The following LSAMP variants were observed in gnomAD, a reference collection of about 807,000 sequenced individuals.
LSAMP encodes the protein limbic system associated membrane protein.
In LSAMP, 7 loss-of-function variants were observed where a neutral mutation model predicts 38.6. The ratio of observed to expected loss-of-function variants is 0.18; its 90% confidence interval spans 0.10 to 0.34. LSAMP has a LOEUF of 0.34. Among genes scored for constraint, LSAMP ranks in the 10% least tolerant of loss-of-function variants. The pLI is 1.00. For synonymous variants in LSAMP, 154 were observed against 166.8 expected, an observed-to-expected ratio of 0.92 and a Z score of 0.59; for missense variants, 313 against 420.0, an observed-to-expected ratio of 0.75 and a Z score of 2.23.
At chr3:116,102,869 TTAAG>T (rs928172135) in intron 1 of LSAMP, among the ~76,000 whole-genome samples, 5 of 152,346 alleles carry the variant, frequency 3.3e-5, no homozygotes, top group African/African-American at 1.2e-4. Context: ...ACAAAATATT[TTAAG>T]TAAGCTGAGC....
At chr3:116,039,443 T>C (rs1317330274) in intron 2 of LSAMP, among the ~76,000 whole-genome samples, 1 of 152,192 alleles carries the variant, frequency 6.6e-6, no homozygotes, top group Non-Finnish European at 1.5e-5. Flanking sequence ...AAAGCATTAC[T>C]TCACACCTAA....
At chr3:116,136,316 G>A (rs1709246573) in intron 1 of LSAMP, among the ~76,000 whole-genome samples, 1 of 151,958 alleles carries the variant, frequency 6.6e-6, no homozygotes, top group Admixed American at 6.6e-5. Context: ...CTTCCTAGAA[G>A]ATAAGAGTGT....
intron 1 of LSAMP, among the ~76,000 whole-genome samples, chr3:116,207,147 A>C (rs1183006189): frequency 6.6e-6 from 1 of 151,862 alleles, no homozygotes; most frequent in African/African-American, 2.4e-5. Flanking sequence ...TGATCCCTTT[A>C]CCATTATGTA....
chr3:116,050,534 A>T (rs559143335), intron 2 of LSAMP, among the ~76,000 whole-genome samples: 1 of 146,080 alleles, frequency 6.8e-6, no homozygotes, highest in African/African-American at 2.6e-5. Flanking sequence ...AATTAGGGGG[A>T]AAAAAAAAAA....
At chr3:116,330,604 T>C (rs958401741) in intron 1 of LSAMP, among the ~76,000 whole-genome samples, 10 of 151,778 alleles carry the variant, frequency 6.6e-5, no homozygotes, top group African/African-American at 2.4e-4. Context: ...AAGCCAAGCA[T>C]TAATAACTAG....
At chr3:115,979,660 G>A (rs910008332) in intron 3 of LSAMP, among the ~76,000 whole-genome samples, 4 of 152,010 alleles carry the variant, frequency 2.6e-5, no homozygotes, top group African/African-American at 9.7e-5. Context: ...GGAGATTGAG[G>A]AATCTCCATT....
At chr3:116,025,032 G>A (rs941864953) in intron 2 of LSAMP, among the ~76,000 whole-genome samples, 1 of 151,862 alleles carries the variant, frequency 6.6e-6, no homozygotes, top group Non-Finnish European at 1.5e-5. Context: ...TGCCTAGAAA[G>A]TACTGTTTAA....
At chr3:116,418,721 G>A (rs2049083993) in intron 1 of LSAMP, among the ~76,000 whole-genome samples, 1 of 152,036 alleles carries the variant, frequency 6.6e-6, no homozygotes, top group African/African-American at 2.4e-5. Flanking sequence ...TATTCCAGGT[G>A]GCTGAAAACT....
At chr3:115,909,483 G>A in intron 3 of LSAMP, among the ~76,000 whole-genome samples, 1 of 152,122 alleles carries the variant, frequency 6.6e-6, no homozygotes. Flanking sequence ...GCTTACATTA[G>A]TTCTTGTCTT....
intron 1 of LSAMP, among the ~76,000 whole-genome samples, chr3:116,288,917 A>G (rs1435320888): frequency 6.6e-6 from 1 of 152,230 alleles, no homozygotes; most frequent in African/African-American, 2.4e-5. Flanking sequence ...TCAATTTTTT[A>G]TAAATGTTTA....
At chr3:116,397,499 T>A (rs1456623907) in intron 1 of LSAMP, among the ~76,000 whole-genome samples, 1 of 152,004 alleles carries the variant, frequency 6.6e-6, no homozygotes, top group Non-Finnish European at 1.5e-5. Flanking sequence ...ATTTACTTAT[T>A]TATTTATATT....
At chr3:115,954,191 G>C (rs1203638837) in intron 3 of LSAMP, among the ~76,000 whole-genome samples, 1 of 151,980 alleles carries the variant, frequency 6.6e-6, no homozygotes, top group Non-Finnish European at 1.5e-5. Context: ...CTGCTTATTT[G>C]GAATGTCTGC....
At chr3:116,000,150 A>G (rs1939949148) in intron 3 of LSAMP, among the ~76,000 whole-genome samples, 1 of 152,162 alleles carries the variant, frequency 6.6e-6, no homozygotes, top group South Asian at 2.1e-4. Context: ...GACTTTGGGT[A>G]AGTCACTTAA....
chr3:116,091,491 G>A (rs899887094), intron 1 of LSAMP, among the ~76,000 whole-genome samples: 2 of 152,104 alleles, frequency 1.3e-5, no homozygotes, highest in African/African-American at 4.8e-5. Context: ...TGAACTCTTC[G>A]CAATTTATGT....
chr3:115,923,718 C>T (rs564231346), intron 3 of LSAMP, among the ~76,000 whole-genome samples: 1 of 152,012 alleles, frequency 6.6e-6, no homozygotes, highest in Non-Finnish European at 1.5e-5. Context: ...ATTGTCTCTC[C>T]TACCTGGAAT....
intron 3 of LSAMP, among the ~76,000 whole-genome samples, chr3:115,863,229 C>T (rs1055179202): frequency 3.9e-5 from 6 of 152,150 alleles, no homozygotes; most frequent in Admixed American, 1.3e-4. Context: ...GAAAAGGCCA[C>T]CTCAGAGGTT....
chr3:115,894,014 C>G (rs1320588200), intron 3 of LSAMP, among the ~76,000 whole-genome samples: 1 of 152,018 alleles, frequency 6.6e-6, no homozygotes, highest in Non-Finnish European at 1.5e-5. Flanking sequence ...CAGGTCAAAC[C>G]TCCTTTTCAT....
intron 1 of LSAMP, among the ~76,000 whole-genome samples, chr3:116,359,752 AG>A (rs1197434669): frequency 7.9e-5 from 12 of 152,302 alleles, no homozygotes; most frequent in African/African-American, 2.9e-4. Flanking sequence ...TGGTGCTAAT[AG>A]AACTGCACCA....
chr3:115,837,303 T>G (rs1300212901), intron 6 of LSAMP, among the ~76,000 whole-genome samples: 1 of 151,586 alleles, frequency 6.6e-6, no homozygotes. Context: ...ATTTTTTTTT[T>G]TGTATTTTTA....
Sources: gnomAD v4.1 joint callset for allele counts (sites outside exome capture counted in the v4.1 genomes callset) on GRCh38, gnomAD v4.1.1 for gene constraint, MANE v1.5 for transcripts, NCBI Gene and HGNC (gene_info 2026-07-23, HGNC 2026-07-21) for gene names.